MTARC2: variants seen among roughly 807,000 people sequenced by gnomAD.
MTARC2 encodes mitochondrial amidoxime reducing component 2.
MTARC2 carries 27 observed loss-of-function variants against 35.6 expected under a neutral mutation model. That is an observed-to-expected ratio of 0.76 (90% confidence interval 0.56 to 1.04). MTARC2 has a LOEUF of 1.04. Ranked by LOEUF, MTARC2 falls within the 50% of genes least tolerant of loss-of-function variation. The probability of loss-of-function intolerance (pLI) is 0.00; values close to 1 mark genes in which losing one functional copy is unlikely to be tolerated. For synonymous variants in MTARC2, 158 were observed against 167.1 expected, an observed-to-expected ratio of 0.95 and a Z score of 0.42; for missense variants, 412 against 432.5, an observed-to-expected ratio of 0.95 and a Z score of 0.42.
At chr1:220,756,976 C>T (rs1572294818) in intron 2 of MTARC2, among the ~76,000 whole-genome samples, 2 of 152,242 alleles carry the variant, frequency 1.3e-5, no homozygotes, top group African/African-American at 4.8e-5. Context: ...GATCTTGGCT[C>T]ACTGCAACCT....
In MTARC2 at chr1:220,760,417, A is replaced by G. The variant is rs544494373; in HGVS notation, c.447-1241A>G. ...AATATATTGCCTGGAGATTCAAGGA[A>G]TAAGTGAAATTACTATAACTCCCAT... On this transcript the variant is annotated intron_variant, in intron 2 of 7. Coordinates refer to ENST00000366913, the MANE Select transcript of MTARC2 (RefSeq NM_017898.5). Among the ~76,000 whole-genome samples, 26 of 152,342 alleles carry G rather than the reference A, an allele frequency of 1.7e-4. 1 individual carries two copies. Among genetic ancestry groups the G allele is most frequent in the Non-Finnish European group, 3.7e-4 (25 of 68,022 alleles).
chr1:220,784,276 C>T lies in MTARC2; in HGVS notation c.*389C>T, dbSNP rs1672156165. 3 of 279,368 alleles carry T rather than the reference C, an allele frequency of 1.1e-5. No individual in the cohort carries two copies. The highest frequency in any genetic ancestry group is 2.0e-5 in the Non-Finnish European group (3 of 147,258). 17.3% of individuals were successfully genotyped at this position (279,368 alleles called of 1,614,324 possible). A position where few individuals can be genotyped will look rare whatever the true frequency, so the allele number is the denominator to read the frequency against. On this transcript the variant is annotated 3_prime_UTR_variant, in exon 8 of 8. Transcript: ENST00000366913. ...GCAAAAATGTTTTTAAAATGTGTGC[C>T]TTTTATTACCTATCAGTCTATGTTT...
chr1:220,759,667 G>A (rs3820353), intron 2 of MTARC2, among the ~76,000 whole-genome samples: 2,034 of 152,292 alleles, frequency 0.013, 33 homozygotes, highest in East Asian at 0.06. Flanking sequence ...CCAGGAGCAT[G>A]TACTTAGGGA....
chr1:220,774,944 C>T (rs779437903), intron 4 of MTARC2, among the ~76,000 whole-genome samples: 3,570 of 151,938 alleles, frequency 0.023, 105 homozygotes, highest in African/African-American at 0.064. Context: ...TATATAGACC[C>T]GTGTGTGTGC....
chr1:220,753,914 G>T (rs553353709), intron 1 of MTARC2, among the ~76,000 whole-genome samples: 103 of 152,250 alleles, frequency 6.8e-4, no homozygotes, highest in South Asian at 1.9e-3. Flanking sequence ...GCTGGGCGTG[G>T]TGGTACACAC....
chr1:220,763,650 T>C (rs2102553683), intron 4 of MTARC2, among the ~76,000 whole-genome samples: 1 of 152,250 alleles, frequency 6.6e-6, no homozygotes, highest in Admixed American at 6.5e-5. Flanking sequence ...GATATATATA[T>C]AGCTGGGTAT....
intron 1 of MTARC2, among the ~76,000 whole-genome samples, chr1:220,749,232 G>A (rs1671068181): frequency 6.6e-6 from 1 of 152,160 alleles, no homozygotes; most frequent in African/African-American, 2.4e-5. Flanking sequence ...CAATCCTGGG[G>A]GTGCCCTGGA....
intron 4 of MTARC2, among the ~76,000 whole-genome samples, chr1:220,768,084 C>T (rs1234777113): frequency 6.6e-6 from 1 of 152,178 alleles, no homozygotes; most frequent in Admixed American, 6.5e-5. Flanking sequence ...CGACTCACTG[C>T]TATTGAACAC....
intron 1 of MTARC2, among the ~76,000 whole-genome samples, chr1:220,753,253 A>G (rs954646219): frequency 6.6e-6 from 1 of 151,906 alleles, no homozygotes; most frequent in African/African-American, 2.4e-5. Context: ...AAAAAGAAAG[A>G]AAGAAAAAGG....
intron 4 of MTARC2, among the ~76,000 whole-genome samples, chr1:220,771,177 T>G (rs758643098): frequency 1.5e-4 from 23 of 151,784 alleles, no homozygotes; most frequent in Non-Finnish European, 3.2e-4. Context: ...TGGATGCCTG[T>G]AATCCCAGCT....
At chr1:220,771,784 AG>A (rs1671751103) in intron 4 of MTARC2, among the ~76,000 whole-genome samples, 1 of 152,166 alleles carries the variant, frequency 6.6e-6, no homozygotes, top group African/African-American at 2.4e-5. Flanking sequence ...GGAGAGTATT[AG>A]GACAAATACC....
At chr1:220,757,725 C>T (rs563630923) in intron 2 of MTARC2, among the ~76,000 whole-genome samples, 25 of 152,282 alleles carry the variant, frequency 1.6e-4, no homozygotes, top group Non-Finnish European at 3.2e-4. Context: ...AGGGCTCCAC[C>T]TCATCTAACC....
At chr1:220,749,736 G>A (rs1351402663) in intron 1 of MTARC2, among the ~76,000 whole-genome samples, 2 of 152,078 alleles carry the variant, frequency 1.3e-5, no homozygotes, top group Admixed American at 1.3e-4. Context: ...CAGCCAAGAT[G>A]TCTTCTTATC....
At position 220,769,762 on chromosome 1, in the gene MTARC2, C is replaced by CA. The variant is rs1408450738; in HGVS notation, c.750+6712_750+6713insA. Among the ~76,000 whole-genome samples, 6 of 151,456 alleles carry CA rather than the reference C, an allele frequency of 4.0e-5. No homozygotes were observed. In the East Asian group the frequency reaches 1.2e-3, roughly 29 times the overall value. ...TTCTTCTCTCTCTCTCTCTTTCTCT[C>CA]TGTGTATGTGTGGTCGGTAAAGGCA... On this transcript the variant is annotated intron_variant, in intron 4 of 7. Coordinates refer to ENST00000366913, the MANE Select transcript of MTARC2 (RefSeq NM_017898.5).
chr1:220,771,097 C>T lies in MTARC2; in HGVS notation c.750+8047C>T, dbSNP rs550108191. On this transcript the variant is annotated intron_variant, in intron 4 of 7. Coordinates refer to ENST00000366913, the MANE Select transcript of MTARC2 (RefSeq NM_017898.5). ...TCGGATCACCTGAGGTCAGGAGTTTCAGACCAGCCTGACCACTATGGTGAA... is the reference window on the plus strand; with the variant it reads ...TCGGATCACCTGAGGTCAGGAGTTTTAGACCAGCCTGACCACTATGGTGAA... Among the ~76,000 whole-genome samples, 13 of 152,202 alleles carry T rather than the reference C, an allele frequency of 8.5e-5. No individual in the cohort carries two copies. In the East Asian group the frequency reaches 2.5e-3, roughly 29 times the overall value.
chr1:220,754,976 A>G lies in MTARC2; in HGVS notation c.302A>G (p.His101Arg). The G allele has an allele frequency of 1.2e-6, 2 of 1,605,196 alleles. No individual in the cohort carries two copies. The highest frequency in any genetic ancestry group is 1.3e-5 in the African/African-American group (1 of 74,534). The change falls in exon 2 of 8, where the codon CAC becomes CGC. Residue 101 changes from histidine (H) to arginine (R), a missense_variant. By Grantham distance (29) the His-to-Arg change is conservative. Transcript: ENST00000366913. ...TGGCTGGTGATTAAGGAAGATGGAC[A>G]CATGGTCACTGCCCGACAGGAGCCT... ...RFWLVIKEDG[H>R]MVTARQEPRL...
rs372722174 is a variant in MTARC2, at chr1:220,776,457, T to G, written c.751-3561T>G. Among the ~76,000 whole-genome samples, 51 of 152,276 alleles carry G rather than the reference T, an allele frequency of 3.3e-4. 2 individuals are homozygous for G. In the East Asian group the frequency reaches 8.7e-3, roughly 26 times the overall value. ...TATATAATTTATTATTTTAAATAAC[T>G]GAATTAATAATTGCATTTAAACTTA... On this transcript the variant is annotated intron_variant, in intron 4 of 7. Transcript: ENST00000366913.
At chr1:220,769,932 T>TACAAAAAAAAAAAAAAA (rs1671692921) in intron 4 of MTARC2, among the ~76,000 whole-genome samples, 1 of 23,544 alleles carries the variant, frequency 4.2e-5, no homozygotes, top group Non-Finnish European at 7.6e-5. Flanking sequence ...CTACTAAAAA[T>TACAAAAAAAAAAAAAAA]ACAAAAAAAA....
At chr1:220,760,438 C>G (rs1457564694) in intron 2 of MTARC2, among the ~76,000 whole-genome samples, 2 of 152,164 alleles carry the variant, frequency 1.3e-5, no homozygotes, top group Non-Finnish European at 2.9e-5. Flanking sequence ...TACTATAACT[C>G]CCATTTCTAT....
Sources: gnomAD v4.1 joint callset for allele counts (sites outside exome capture counted in the v4.1 genomes callset) on GRCh38, gnomAD v4.1.1 for gene constraint, MANE v1.5 for transcripts, NCBI Gene and HGNC (gene_info 2026-07-23, HGNC 2026-07-21) for gene names.